Variants in ADCY8 observed in about 807,000 individuals in gnomAD.
The protein encoded by ADCY8 is adenylate cyclase type 8.
In ADCY8, 51 loss-of-function variants were observed where a neutral mutation model predicts 119.7. The observed-to-expected ratio is 0.43, with a 90% CI of 0.34 to 0.54. ADCY8 has a LOEUF of 0.54. Ranked by LOEUF, ADCY8 falls within the 20% of genes least tolerant of loss-of-function variation. ADCY8 has a pLI of 0.03. For missense variants in ADCY8, 1,383 were observed against 1,598.8 expected, an observed-to-expected ratio of 0.87 and a Z score of 2.30; for synonymous variants, 665 against 651.0, an observed-to-expected ratio of 1.02 and a Z score of -0.33.
intron 1 of ADCY8, among the ~76,000 whole-genome samples, chr8:131,026,311 C>T (rs920585660): frequency 2.0e-5 from 3 of 152,282 alleles, no homozygotes; most frequent in Admixed American, 6.5e-5. Context: ...AGCAGGCCCT[C>T]ACCAGGCACC....
At chr8:130,866,989 G>T (rs993550830) in intron 9 of ADCY8, among the ~76,000 whole-genome samples, 4 of 152,080 alleles carry the variant, frequency 2.6e-5, no homozygotes, top group Non-Finnish European at 4.4e-5. Context: ...ATCCTCAGGG[G>T]CTATAATGTT....
At chr8:131,030,090 G>T (rs1365619250) in intron 1 of ADCY8, among the ~76,000 whole-genome samples, 1 of 152,176 alleles carries the variant, frequency 6.6e-6, no homozygotes. Flanking sequence ...CACGGGATGT[G>T]GAAATGTACC....
At chr8:131,017,135 T>C (rs1823500875) in intron 1 of ADCY8, among the ~76,000 whole-genome samples, 1 of 151,802 alleles carries the variant, frequency 6.6e-6, no homozygotes. Flanking sequence ...AGCGGCATGA[T>C]CTCGGTTCAC....
At chr8:130,968,835 A>G (rs1297561265) in intron 2 of ADCY8, among the ~76,000 whole-genome samples, 1 of 152,236 alleles carries the variant, frequency 6.6e-6, no homozygotes, top group East Asian at 1.9e-4. Context: ...TGAGGAATAA[A>G]GAACACATTT....
chr8:131,021,438 C>A (rs2130796171), intron 1 of ADCY8, among the ~76,000 whole-genome samples: 1 of 152,220 alleles, frequency 6.6e-6, no homozygotes, highest in Admixed American at 6.5e-5. Context: ...GATCAGACAC[C>A]TTTTAAACGC....
At chr8:130,870,603 G>A (rs114179963) in intron 8 of ADCY8, among the ~76,000 whole-genome samples, 1,710 of 152,202 alleles carry the variant, frequency 0.011, 40 homozygotes, top group African/African-American at 0.039. Flanking sequence ...AGAGCTCATT[G>A]CTTTGCAAAG....
At chr8:130,886,738 T>C (rs914089262) in intron 7 of ADCY8, among the ~76,000 whole-genome samples, 5 of 152,232 alleles carry the variant, frequency 3.3e-5, no homozygotes, top group South Asian at 4.1e-4. Context: ...AGCACATTCA[T>C]AGTTAGGCAT....
Position 130,853,873 on chromosome 8 carries a change from A to G in ADCY8, c.2211-4070T>C, listed in dbSNP as rs551155893. ...GGCAAGGTAATTGATTCCTCTGAGAATTACTTTTTAATCTGTAAAACAGGG... is the reference window on the plus strand; with the variant it reads ...GGCAAGGTAATTGATTCCTCTGAGAGTTACTTTTTAATCTGTAAAACAGGG... On this transcript the variant is annotated intron_variant, in intron 9 of 17. Coordinates refer to ENST00000286355, the MANE Select transcript of ADCY8 (RefSeq NM_001115.3). Among the ~76,000 whole-genome samples, 3 of 152,324 alleles carry G rather than the reference A, an allele frequency of 2.0e-5. No individual in the cohort carries two copies. The East Asian group carries it at 5.8e-4, about 29-fold the overall frequency.
intron 1 of ADCY8, among the ~76,000 whole-genome samples, chr8:131,028,140 A>C (rs1169742314): frequency 1.3e-5 from 2 of 152,242 alleles, no homozygotes; most frequent in Non-Finnish European, 2.9e-5. Flanking sequence ...TGGCCCAAAG[A>C]AGCTGAAGCC....
rs538096024 is a variant in ADCY8 at position 131,039,317 on chromosome 8, T to C, written c.960+57A>G. 3.8e-6 allele frequency: 6 copies of C among 1,585,400 alleles called. No homozygotes were observed. In the East Asian group the frequency reaches 1.3e-4, roughly 36 times the overall value. Reference sequence around the variant, plus strand: ...CAACCCTGGCTCTCTGGAAGCTATATGATCAATAACCCGGGGAAGTTAGAG... The same window carrying C: ...CAACCCTGGCTCTCTGGAAGCTATACGATCAATAACCCGGGGAAGTTAGAG... On this transcript the variant is annotated intron_variant, in intron 1 of 17. Transcript: ENST00000286355.
At chr8:130,983,707 A>C (rs1430059717) in intron 2 of ADCY8, among the ~76,000 whole-genome samples, 1 of 152,164 alleles carries the variant, frequency 6.6e-6, no homozygotes, top group African/African-American at 2.4e-5. Flanking sequence ...ATTTAGTGTG[A>C]GGTCTTATAT....
chr8:130,909,594 T>G, intron 6 of ADCY8, 114 bp downstream of exon 6: 1 of 1,286,816 alleles, frequency 7.8e-7, no homozygotes, highest in Non-Finnish European at 1.1e-6. Context: ...CTGGTCTCCT[T>G]CCAAATAATT....
intron 1 of ADCY8, among the ~76,000 whole-genome samples, chr8:131,030,061 T>A (rs1823950348): frequency 1.3e-5 from 2 of 152,178 alleles, no homozygotes; most frequent in Admixed American, 6.5e-5. Flanking sequence ...CGTTATGACA[T>A]TGCTCTGATA....
rs533335706 is a variant in ADCY8 at position 130,950,505 on chromosome 8, G to A, written c.1241+1363C>T. ...TGTCAGGGTTTGGGGGCTGGTTTGG[G>A]GACAGGGTTGATTGCACAAGCAATG... On this transcript the variant is annotated intron_variant, in intron 3 of 17. Transcript: ENST00000286355. 6.6e-5 allele frequency among the ~76,000 whole-genome samples: 10 copies of A among 152,280 alleles called. No individual in the cohort carries two copies. In the South Asian group the frequency reaches 1.0e-3, roughly 16 times the overall value.
intron 5 of ADCY8, among the ~76,000 whole-genome samples, chr8:130,932,186 G>T (rs1278546118): frequency 6.6e-6 from 1 of 152,108 alleles, no homozygotes; most frequent in Non-Finnish European, 1.5e-5. Flanking sequence ...CTACTACATG[G>T]GTATTACTTC....
chr8:131,026,679 G>A lies in ADCY8; in HGVS notation c.960+12695C>T, dbSNP rs538029682. Among the ~76,000 whole-genome samples, 8 of 152,282 alleles carry A rather than the reference G, an allele frequency of 5.3e-5. No individual in the cohort carries two copies. The East Asian group carries it at 1.3e-3, about 26-fold the overall frequency. ...CCAAGTGATTCCTATTCACATTAAA[G>A]TTGGAGAAGCACTGGTCTAAAAGAT... On this transcript the variant is annotated intron_variant, in intron 1 of 17. Coordinates refer to ENST00000286355, the MANE Select transcript of ADCY8 (RefSeq NM_001115.3).
chr8:131,013,944 G>T (rs952136182), intron 1 of ADCY8, among the ~76,000 whole-genome samples: 2 of 152,082 alleles, frequency 1.3e-5, no homozygotes, highest in Non-Finnish European at 2.9e-5. Context: ...TGTTGCAAAG[G>T]AATCTCACAT....
At chr8:130,888,704 A>G (rs1819078060) in intron 7 of ADCY8, among the ~76,000 whole-genome samples, 1 of 152,130 alleles carries the variant, frequency 6.6e-6, no homozygotes, top group Admixed American at 6.6e-5. Flanking sequence ...AGGGTCAGGT[A>G]GCCCTTTGTA....
intron 8 of ADCY8, among the ~76,000 whole-genome samples, chr8:130,881,493 T>C (rs1818769443): frequency 6.6e-6 from 1 of 152,196 alleles, no homozygotes; most frequent in Non-Finnish European, 1.5e-5. Flanking sequence ...AAGCCTTTCC[T>C]TTCCTACAAA....
Sources: allele counts gnomAD v4.1 joint callset (sites outside exome capture counted in the v4.1 genomes callset), GRCh38; gene constraint gnomAD v4.1.1; transcripts MANE v1.5; gene names NCBI Gene and HGNC (gene_info 2026-07-23, HGNC 2026-07-21).